Variants in LDLRAD4 observed in about 807,000 individuals in gnomAD.
LDLRAD4 encodes the protein low-density lipoprotein receptor class A domain-containing protein 4.
In LDLRAD4, 5 loss-of-function variants were observed where a neutral mutation model predicts 17.0. That is an observed-to-expected ratio of 0.29 (90% CI 0.15 to 0.62). The LOEUF is 0.62. Among genes scored for constraint, LDLRAD4 ranks in the 20% least tolerant of loss-of-function variants. The probability of loss-of-function intolerance (pLI) is 0.84; values close to 1 mark genes in which losing one functional copy is unlikely to be tolerated. For missense variants in LDLRAD4, 340 were observed against 424.7 expected, an observed-to-expected ratio of 0.80 and a Z score of 1.75; for synonymous variants, 168 against 171.8, an observed-to-expected ratio of 0.98 and a Z score of 0.17.
chr18:13,531,708 T>C (rs2094130604), intron 3 of LDLRAD4, among the ~76,000 whole-genome samples: 1 of 151,644 alleles, frequency 6.6e-6, no homozygotes, highest in Non-Finnish European at 1.5e-5. Flanking sequence ...AGAGATCTGC[T>C]CTTTGGGCTG....
chr18:13,425,990 G>A (rs2089902582), intron 2 of LDLRAD4: 1 of 152,862 alleles, frequency 6.5e-6, no homozygotes, highest in Non-Finnish European at 1.5e-5. Flanking sequence ...GTGACCCTGT[G>A]GGAAGAGGTC....
chr18:13,641,489 G>C (rs1020575559), intron 4 of LDLRAD4, among the ~76,000 whole-genome samples: 3 of 152,262 alleles, frequency 2.0e-5, no homozygotes, highest in African/African-American at 7.2e-5. Context: ...GATTAGATAG[G>C]TTAAGATAGT....
At chr18:13,605,523 T>G (rs1396336887) in intron 3 of LDLRAD4, among the ~76,000 whole-genome samples, 1 of 152,060 alleles carries the variant, frequency 6.6e-6, no homozygotes, top group East Asian at 1.9e-4. Flanking sequence ...CAGCCCAGGG[T>G]CTCTGTTAAC....
At chr18:13,514,199 G>A (rs1490329451) in intron 3 of LDLRAD4, among the ~76,000 whole-genome samples, 1 of 152,190 alleles carries the variant, frequency 6.6e-6, no homozygotes. Context: ...GTGGAGGGCT[G>A]AAGTCCTGGG....
chr18:13,609,538 T>C (rs937554408), intron 3 of LDLRAD4, among the ~76,000 whole-genome samples: 42 of 151,174 alleles, frequency 2.8e-4, no homozygotes, highest in African/African-American at 8.7e-4. Context: ...TGCGTGTGTG[T>C]GTGTGTGTGT....
intron 1 of LDLRAD4, among the ~76,000 whole-genome samples, chr18:13,271,695 G>A (rs564383225): frequency 3.9e-5 from 6 of 152,216 alleles, no homozygotes; most frequent in Non-Finnish European, 5.9e-5. Context: ...AATTTTTGAC[G>A]CGCAGGAGGT....
At chr18:13,491,004 A>G (rs754020277) in intron 3 of LDLRAD4, among the ~76,000 whole-genome samples, 2 of 152,176 alleles carry the variant, frequency 1.3e-5, no homozygotes, top group Admixed American at 6.5e-5. Context: ...CTGGGCTGCC[A>G]TAGGGATTTA....
intron 1 of LDLRAD4, among the ~76,000 whole-genome samples, chr18:13,289,976 C>T (rs531055723): frequency 6.6e-6 from 1 of 152,348 alleles, no homozygotes; most frequent in Admixed American, 6.5e-5. Flanking sequence ...ACAGCAGATT[C>T]CTGCCCTTCC....
chr18:13,528,896 G>T (rs1362770799), intron 3 of LDLRAD4, among the ~76,000 whole-genome samples: 3 of 152,178 alleles, frequency 2.0e-5, no homozygotes, highest in Non-Finnish European at 2.9e-5. Flanking sequence ...CTGGGCATCT[G>T]CCTCTCTCAC....
At chr18:13,402,613 T>C (rs2087330538) in intron 2 of LDLRAD4, among the ~76,000 whole-genome samples, 1 of 152,220 alleles carries the variant, frequency 6.6e-6, no homozygotes, top group Non-Finnish European at 1.5e-5. Context: ...TCTAAAGTCT[T>C]TCTAACACGT....
At chr18:13,446,783 C>T (rs761394084) in intron 3 of LDLRAD4, among the ~76,000 whole-genome samples, 5 of 152,382 alleles carry the variant, frequency 3.3e-5, no homozygotes, top group East Asian at 3.9e-4. Flanking sequence ...GCCAAGAGCC[C>T]GCCTCAGCCA....
intron 1 of LDLRAD4, among the ~76,000 whole-genome samples, chr18:13,329,404 A>G (rs780822516): frequency 2.0e-5 from 3 of 152,196 alleles, no homozygotes; most frequent in Admixed American, 2.0e-4. Context: ...TTTTATTATG[A>G]GTGAGGTTGT....
chr18:13,370,944 C>T (rs764325273), intron 1 of LDLRAD4, among the ~76,000 whole-genome samples: 1 of 152,116 alleles, frequency 6.6e-6, no homozygotes, highest in African/African-American at 2.4e-5. Context: ...CTCCTGACCT[C>T]ATGATCTCCC....
chr18:13,632,768 T>G (rs947903537), intron 4 of LDLRAD4, among the ~76,000 whole-genome samples: 3 of 152,238 alleles, frequency 2.0e-5, no homozygotes, highest in Non-Finnish European at 2.9e-5. Flanking sequence ...ATGAGGTACA[T>G]GGACAACTGG....
At chr18:13,306,005 G>A (rs1315911427) in intron 1 of LDLRAD4, among the ~76,000 whole-genome samples, 2 of 152,124 alleles carry the variant, frequency 1.3e-5, no homozygotes, top group Admixed American at 1.3e-4. Context: ...GATAATTTTA[G>A]AAAGAGATTT....
At chr18:13,399,804 C>T (rs2087009585) in intron 2 of LDLRAD4, among the ~76,000 whole-genome samples, 1 of 152,216 alleles carries the variant, frequency 6.6e-6, no homozygotes, top group Admixed American at 6.5e-5. Context: ...CAAAACAAGC[C>T]TCGGATTCTT....
chr18:13,479,750 C>G (rs2093037546), intron 3 of LDLRAD4, among the ~76,000 whole-genome samples: 1 of 151,980 alleles, frequency 6.6e-6, no homozygotes, highest in Non-Finnish European at 1.5e-5. Context: ...AGAAAAAAAC[C>G]TGATTAAAAA....
intron 3 of LDLRAD4, among the ~76,000 whole-genome samples, chr18:13,546,609 C>T (rs369179629): frequency 1.3e-5 from 2 of 151,974 alleles, no homozygotes; most frequent in African/African-American, 4.8e-5. Context: ...AAATACCACA[C>T]ACTACTGCCA....
intron 4 of LDLRAD4, among the ~76,000 whole-genome samples, chr18:13,628,003 T>G (rs2041325943): frequency 6.6e-6 from 1 of 152,150 alleles, no homozygotes; most frequent in African/African-American, 2.4e-5. Flanking sequence ...AGATAGAGGC[T>G]CTGAGGTGGG....
Sources: gnomAD v4.1 joint callset for allele counts (sites outside exome capture counted in the v4.1 genomes callset) on GRCh38, gnomAD v4.1.1 for gene constraint, MANE v1.5 for transcripts, NCBI Gene and HGNC (gene_info 2026-07-23, HGNC 2026-07-21) for gene names.